PBX3: variants seen among roughly 807,000 people sequenced by gnomAD.
The protein encoded by PBX3 is PBX homeobox 3, also known as pre-B-cell leukemia transcription factor 3.
In PBX3, 14 loss-of-function variants were observed where a neutral mutation model predicts 48.5. The observed-to-expected ratio is 0.29, with a 90% CI of 0.19 to 0.45. The LOEUF (loss-of-function observed/expected upper bound fraction) is 0.45, where lower values mean the gene tolerates loss of function less well. Among genes scored for constraint, PBX3 ranks in the 20% least tolerant of loss-of-function variants. The pLI is 1.00. For missense variants in PBX3, 386 were observed against 546.7 expected, an observed-to-expected ratio of 0.71 and a Z score of 2.93; for synonymous variants, 210 against 200.3, an observed-to-expected ratio of 1.05 and a Z score of -0.41.
chr9:125,775,738 C>A (rs926337181), intron 2 of PBX3, among the ~76,000 whole-genome samples: 5 of 152,228 alleles, frequency 3.3e-5, no homozygotes, highest in Non-Finnish European at 2.9e-5. Context: ...CCTTGCAATT[C>A]CATATGATTT....
At chr9:125,912,859 AT>A (rs1285037550) in intron 2 of PBX3, among the ~76,000 whole-genome samples, 2 of 152,158 alleles carry the variant, frequency 1.3e-5, no homozygotes, top group East Asian at 3.8e-4. Flanking sequence ...ACCCATTAAA[AT>A]GTTTATAGGT....
intron 2 of PBX3, among the ~76,000 whole-genome samples, chr9:125,787,136 C>T (rs1837478591): frequency 6.6e-6 from 1 of 152,026 alleles, no homozygotes; most frequent in South Asian, 2.1e-4. Flanking sequence ...ACCTCCTTAG[C>T]TCAAGTGATC....
chr9:125,885,216 A>G (rs1002277554), intron 2 of PBX3, among the ~76,000 whole-genome samples: 2 of 152,200 alleles, frequency 1.3e-5, no homozygotes, highest in Non-Finnish European at 2.9e-5. Context: ...AAGGTCTGTC[A>G]TATAGTTGGA....
intron 2 of PBX3, among the ~76,000 whole-genome samples, chr9:125,877,011 A>G (rs193056985): frequency 1.7e-4 from 26 of 151,962 alleles, no homozygotes; most frequent in Non-Finnish European, 2.8e-4. Context: ...TGACCTTGTG[A>G]TCTGCCTGCC....
intron 5 of PBX3, among the ~76,000 whole-genome samples, chr9:125,938,929 G>A (rs748773993): frequency 1.2e-4 from 18 of 151,830 alleles, no homozygotes; most frequent in Non-Finnish European, 2.6e-4. Flanking sequence ...ACCATGATGA[G>A]TATAACTTAG....
chr9:125,853,667 A>G (rs1287861126), intron 2 of PBX3, among the ~76,000 whole-genome samples: 2 of 152,224 alleles, frequency 1.3e-5, no homozygotes, highest in Admixed American at 6.5e-5. Context: ...TGTCAGATTG[A>G]AGTTGAAAAT....
At chr9:125,962,004 T>C in intron 6 of PBX3, 98 bp from the exon 7 acceptor site, 1 of 637,700 alleles carries the variant, frequency 1.6e-6, no homozygotes. Context: ...TGCACAGCCT[T>C]TCCCTTCTGT....
intron 2 of PBX3, among the ~76,000 whole-genome samples, chr9:125,815,554 ATTACT>A (rs1271812075): frequency 1.3e-5 from 2 of 152,068 alleles, no homozygotes; most frequent in Non-Finnish European, 2.9e-5. Context: ...ATCAGACTGT[ATTACT>A]TTACTTTTAT....
chr9:125,936,828 T>C (rs1398274323), intron 5 of PBX3, among the ~76,000 whole-genome samples: 3 of 152,302 alleles, frequency 2.0e-5, no homozygotes, highest in East Asian at 3.9e-4. Context: ...TACATAGACA[T>C]ATATTATATA....
chr9:125,770,325 TA>T (rs1325544645), intron 2 of PBX3, among the ~76,000 whole-genome samples: 3 of 152,306 alleles, frequency 2.0e-5, no homozygotes, highest in Admixed American at 2.0e-4. Flanking sequence ...GTTCAGCACA[TA>T]AATACATAAT....
chr9:125,899,556 A>G (rs1002402748), intron 2 of PBX3, among the ~76,000 whole-genome samples: 13 of 150,098 alleles, frequency 8.7e-5, no homozygotes, highest in Non-Finnish European at 1.5e-4. Flanking sequence ...TAGAGCACAA[A>G]TCAAACAGCT....
At chr9:125,949,413 A>G in intron 5 of PBX3, 6 of 1,550,852 alleles carry the variant, frequency 3.9e-6, no homozygotes, top group Non-Finnish European at 3.5e-6. Context: ...GAGGGAGCAA[A>G]GGTTCTGACA....
chr9:125,796,395 T>C (rs1837779928), intron 2 of PBX3, among the ~76,000 whole-genome samples: 1 of 152,208 alleles, frequency 6.6e-6, no homozygotes, highest in Non-Finnish European at 1.5e-5. Flanking sequence ...TTAAGCCTAT[T>C]GCTCTTGAGA....
At chr9:125,793,268 C>T (rs564684822) in intron 2 of PBX3, among the ~76,000 whole-genome samples, 195 of 149,012 alleles carry the variant, frequency 1.3e-3, no homozygotes, top group African/African-American at 4.6e-3. Flanking sequence ...GGGAGAATGG[C>T]GTGAACCTGG....
At chr9:125,946,127 GC>G (rs1842058990) in intron 5 of PBX3, among the ~76,000 whole-genome samples, 1 of 152,178 alleles carries the variant, frequency 6.6e-6, no homozygotes, top group South Asian at 2.1e-4. Context: ...CTACATCTTA[GC>G]AGTGAGTGCA....
At chr9:125,960,001 G>T (rs1212810273) in intron 5 of PBX3, among the ~76,000 whole-genome samples, 1 of 152,142 alleles carries the variant, frequency 6.6e-6, no homozygotes, top group African/African-American at 2.4e-5. Context: ...CATTTGCACC[G>T]GCTGACATCA....
At chr9:125,751,533 C>T (rs1564637122) in intron 2 of PBX3, among the ~76,000 whole-genome samples, 1 of 152,156 alleles carries the variant, frequency 6.6e-6, no homozygotes, top group African/African-American at 2.4e-5. Flanking sequence ...GGAAAGTATA[C>T]TTCTACTATA....
intron 2 of PBX3, among the ~76,000 whole-genome samples, chr9:125,886,531 A>G (rs778268015): frequency 1.3e-5 from 2 of 152,174 alleles, no homozygotes; most frequent in Non-Finnish European, 2.9e-5. Context: ...TTTCCTGAAC[A>G]AGGGAATTCA....
chr9:125,900,240 T>TCC lies in PBX3; in HGVS notation c.275-15446_275-15445insCC, dbSNP rs1564164145. ...CCCCTCCCCCCACATCCCGCCCTTT[T>TCC]TTTTTTTTTTTTAACACTTTACCAT... On this transcript the variant is annotated intron_variant, in intron 2 of 8. Transcript: ENST00000373489. Among the ~76,000 whole-genome samples the TCC allele has an allele frequency of 1.2e-3, 168 of 141,024 alleles. 3 individuals carry two copies. In the East Asian group the frequency reaches 0.032, roughly 27 times the overall value. The allele number at this position is 141,024 out of a possible 152,430, so 92.5% of individuals were successfully genotyped here.
Sources: allele counts gnomAD v4.1 joint callset (sites outside exome capture counted in the v4.1 genomes callset), GRCh38; gene constraint gnomAD v4.1.1; transcripts MANE v1.5; gene names NCBI Gene and HGNC (gene_info 2026-07-23, HGNC 2026-07-21).